TMED2: variants seen among roughly 807,000 people sequenced by gnomAD.
The protein encoded by TMED2 is transmembrane emp24 domain-containing protein 2.
In TMED2, 3 loss-of-function variants were observed where a neutral mutation model predicts 17.5. The observed-to-expected ratio is 0.17, with a 90% CI of 0.08 to 0.44. The LOEUF (loss-of-function observed/expected upper bound fraction) is 0.44, where lower values mean the gene tolerates loss of function less well. TMED2 is among the 20% of genes least tolerant of loss of function. The pLI, the probability that TMED2 is intolerant of heterozygous loss-of-function variation, is 0.99. For synonymous variants in TMED2, 95 were observed against 91.0 expected (o/e 1.04, Z -0.25); for missense variants, 149 against 254.8 (o/e 0.58, Z 2.83).
intron 2 of TMED2, among the ~76,000 whole-genome samples, 178 bp downstream of exon 2, chr12:123,587,117 C>G (rs1055014627): frequency 2.6e-5 from 4 of 151,916 alleles, no homozygotes; most frequent in Non-Finnish European, 4.4e-5. Flanking sequence ...TTTCTTGAGG[C>G]TAGTGTTTGT....
chr12:123,590,876 C>T (rs1042923635), intron 3 of TMED2, among the ~76,000 whole-genome samples: 3 of 151,214 alleles, frequency 2.0e-5, no homozygotes, highest in Non-Finnish European at 4.4e-5. Flanking sequence ...CCCAGCTACT[C>T]GGGAGGCTGA....
intron 1 of TMED2, 176 bp downstream of exon 1, chr12:123,584,992 GCCC>G: frequency 1.3e-6 from 1 of 769,036 alleles, no homozygotes; most frequent in Non-Finnish European, 2.0e-6. Context: ...CCTCCTAACG[GCCC>G]CTTTTCCCGC....
intron 2 of TMED2, among the ~76,000 whole-genome samples, chr12:123,589,828 T>C (rs1265294398): frequency 1.3e-5 from 2 of 151,556 alleles, no homozygotes; most frequent in Non-Finnish European, 2.9e-5. Flanking sequence ...CGAGACCCCG[T>C]CTCTAAAAAA....
intron 2 of TMED2, among the ~76,000 whole-genome samples, chr12:123,587,314 G>A (rs1566164808): frequency 6.6e-6 from 1 of 152,172 alleles, no homozygotes; most frequent in East Asian, 1.9e-4. Flanking sequence ...TTTTGGTAGA[G>A]ACGGGGTTTC....
Position 123,587,099 on chromosome 12 carries a change from TAA to T in TMED2, c.373+165_373+166del, listed in dbSNP as rs1003453567. The T allele has an allele frequency of 2.3e-5, 14 of 610,666 alleles. No homozygotes were observed. In the African/African-American group the frequency reaches 2.7e-4, roughly 12 times the overall value. 37.8% of individuals were successfully genotyped at this position (610,666 alleles called of 1,614,324 possible). On this transcript the variant is annotated intron_variant, in intron 2 of 3. Transcript: ENST00000262225. Reference sequence around the variant, plus strand: ...TATTTTTTGCAAGTCTCCTAATTAATAAAAAAGTTTCTTGAGGCTAGTGTTTG... The same window carrying T: ...TATTTTTTGCAAGTCTCCTAATTAATAAAAGTTTCTTGAGGCTAGTGTTTG...
In TMED2 at chr12:123,586,763, A is replaced by T; in HGVS notation, c.197A>T (p.Asn66Ile). ...DIDVEITGPD[N>I]KGIYKGDRES... is the part of the protein sequence containing the mutation. ...TGCCTCCAGATTACAGGACCAGATA[A>T]CAAAGGAATTTACAAAGGAGACAGA... Residue 66 changes from asparagine (N) to isoleucine (I), a missense_variant, in exon 2 of 4, where the codon AAC (asparagine) becomes ATC (isoleucine). Coordinates refer to ENST00000262225, the MANE Select transcript of TMED2 (RefSeq NM_006815.4). 1 of 1,603,018 alleles carries T rather than the reference A, an allele frequency of 6.2e-7. No individual in the cohort carries two copies.
chr12:123,586,687 C>T (rs1449338529), intron 1 of TMED2, 60 bp from the exon 2 acceptor site: 1 of 1,468,654 alleles, frequency 6.8e-7, no homozygotes. Context: ...TTAGACATTA[C>T]TTATAAAGTC....
At chr12:123,596,482 C>T (rs1953431655) in intron 3 of TMED2, 123 bp from the exon 4 acceptor site, 2 of 1,250,100 alleles carry the variant, frequency 1.6e-6, no homozygotes, top group African/African-American at 3.1e-5. Context: ...TGAGGAACAT[C>T]TATTCTATGA....
At chr12:123,596,259 A>G (rs1187054796) in intron 3 of TMED2, among the ~76,000 whole-genome samples, 1 of 152,236 alleles carries the variant, frequency 6.6e-6, no homozygotes, top group African/African-American at 2.4e-5. Flanking sequence ...ATGCAGTTTA[A>G]CGTGTATGAG....
rs774852059 is a variant in TMED2, at chr12:123,584,744, G to T, written c.108G>T (p.Arg36=). 2 of 1,613,758 alleles carry T rather than the reference G, an allele frequency of 1.2e-6. No homozygotes were observed. The highest frequency in any genetic ancestry group is 1.7e-6 in the Non-Finnish European group (2 of 1,179,912). ...DAHAEECFFE[R]VTSGTKMGLI... is the part of the protein sequence containing the mutation. ...ATGCTGAAGAGTGCTTCTTTGAGCG[G>T]GTCACCTCGGGCACCAAGATGGGCC... The change falls in exon 1 of 4, where the codon CGG becomes CGT. Residue 36 remains arginine, a synonymous_variant. Transcript: ENST00000262225.
At position 123,597,938 on chromosome 12, in the gene TMED2, T is replaced by G. The variant is rs1420463069; in HGVS notation, c.*1209T>G. 1 of 152,522 alleles carries G rather than the reference T, an allele frequency of 6.6e-6. No individual in the cohort carries two copies. Among genetic ancestry groups the G allele is most frequent in the Admixed American group, 6.5e-5 (1 of 15,276 alleles). The allele number at this position is 152,522 out of a possible 1,614,324, so 9.4% of individuals were successfully genotyped here. On this transcript the variant is annotated 3_prime_UTR_variant, in exon 4 of 4. Coordinates refer to ENST00000262225, the MANE Select transcript of TMED2 (RefSeq NM_006815.4). ...TTAAATTTGTTACAGGTTTTCATGTTCAGGATAAACCATACTTCCACCTTG... is the reference window on the plus strand; with the variant it reads ...TTAAATTTGTTACAGGTTTTCATGTGCAGGATAAACCATACTTCCACCTTG...
chr12:123,594,855 C>G (rs1359420572), intron 3 of TMED2, among the ~76,000 whole-genome samples: 4 of 151,276 alleles, frequency 2.6e-5, no homozygotes, highest in African/African-American at 9.7e-5. Flanking sequence ...TCATTGCACT[C>G]CAGCCTGGGC....
chr12:123,584,603 C>G lies in TMED2; in HGVS notation c.-34C>G. 1 of 1,593,334 alleles carries G rather than the reference C, an allele frequency of 6.3e-7. No homozygotes were observed. ...GCGGCGGCGGCGGCTGTGGAGGCCGCAGTCCGGGTCCTGGCTTCGGCCTCA... is the reference window on the plus strand; with the variant it reads ...GCGGCGGCGGCGGCTGTGGAGGCCGGAGTCCGGGTCCTGGCTTCGGCCTCA... On this transcript the variant is annotated 5_prime_UTR_variant, in exon 1 of 4. Coordinates refer to ENST00000262225, the MANE Select transcript of TMED2 (RefSeq NM_006815.4).
intron 3 of TMED2, among the ~76,000 whole-genome samples, chr12:123,593,471 A>AT (rs1953408086): frequency 1.3e-5 from 2 of 152,284 alleles, no homozygotes; most frequent in East Asian, 3.9e-4. Flanking sequence ...TAATTCCTTA[A>AT]TTTTTTGTAG....
chr12:123,584,885 C>G, intron 1 of TMED2, 69 bp downstream of exon 1: 1 of 1,572,198 alleles, frequency 6.4e-7, no homozygotes, highest in Non-Finnish European at 8.6e-7. Context: ...CACCTGGGAC[C>G]GGCGCGGGGC....
chr12:123,593,260 TG>T (rs144129657), intron 3 of TMED2, among the ~76,000 whole-genome samples: 20,112 of 151,114 alleles, frequency 0.13, 1,432 homozygotes, highest in African/African-American at 0.19. Flanking sequence ...TGGTTTTTGT[TG>T]TTTTTTTTTT....
At chr12:123,587,222 C>T (rs1455871292) in intron 2 of TMED2, among the ~76,000 whole-genome samples, 1 of 152,118 alleles carries the variant, frequency 6.6e-6, no homozygotes, top group African/African-American at 2.4e-5. Flanking sequence ...TCTTGGCTTA[C>T]TGCAATCTCC....
In TMED2 at chr12:123,596,602, C is replaced by T; in HGVS notation, c.482-3C>T. The T allele has an allele frequency of 6.3e-7, 1 of 1,593,696 alleles. No homozygotes were observed. Among genetic ancestry groups the T allele is most frequent in the Non-Finnish European group, 8.5e-7 (1 of 1,174,032 alleles). On this transcript the variant is annotated splice_polypyrimidine_tract_variant and splice_region_variant and intron_variant, in intron 3 of 3. Transcript: ENST00000262225. Reference sequence around the variant, plus strand: ...TTTTGTTTGTTTGTTTTGTCCTCAACAGTCAACGACAACACAAACAGCAGA... The same window carrying T: ...TTTTGTTTGTTTGTTTTGTCCTCAATAGTCAACGACAACACAAACAGCAGA...
intron 3 of TMED2, among the ~76,000 whole-genome samples, chr12:123,594,033 C>A (rs1157645668): frequency 6.6e-6 from 1 of 151,492 alleles, no homozygotes; most frequent in Non-Finnish European, 1.5e-5. Context: ...CCTCTGACTC[C>A]TGAGCAAAAG....
Sources: gnomAD v4.1 joint callset for allele counts (sites outside exome capture counted in the v4.1 genomes callset) on GRCh38, gnomAD v4.1.1 for gene constraint, MANE v1.5 for transcripts, NCBI Gene and HGNC (gene_info 2026-07-23, HGNC 2026-07-21) for gene names.